The following IQSEC1 variants were observed in gnomAD, a reference collection of about 807,000 sequenced individuals.
IQSEC1 encodes IQ motif and SEC7 domain-containing protein 1.
In IQSEC1, 31 loss-of-function variants were observed where a neutral mutation model predicts 91.0. The observed-to-expected ratio is 0.34, with a 90% CI of 0.26 to 0.46. The LOEUF is 0.46. Among genes scored for constraint, IQSEC1 ranks in the 20% least tolerant of loss-of-function variants. IQSEC1 has a pLI of 1.00. For missense variants in IQSEC1, 1,388 were observed against 1,575.6 expected (o/e 0.88, Z 2.02); for synonymous variants, 699 against 662.6 (o/e 1.05, Z -0.84).
At chr3:12,993,590 T>C (rs2125637354) in intron 1 of IQSEC1, among the ~76,000 whole-genome samples, 1 of 152,298 alleles carries the variant, frequency 6.6e-6, no homozygotes, top group Non-Finnish European at 1.5e-5. Flanking sequence ...CCAACTGCAC[T>C]GATGAAGAGA....
intron 2 of IQSEC1, among the ~76,000 whole-genome samples, chr3:13,089,478 A>T (rs12492976): frequency 6.6e-6 from 1 of 151,918 alleles, no homozygotes; most frequent in African/African-American, 2.4e-5. Context: ...CCAGCTACTT[A>T]GGAGGCTGAG....
intron 1 of IQSEC1, among the ~76,000 whole-genome samples, chr3:13,266,973 A>C (rs970669246): frequency 6.6e-6 from 1 of 151,116 alleles, no homozygotes; most frequent in Non-Finnish European, 1.5e-5. Context: ...CACACATAAG[A>C]GGCTCCATAA....
intron 12 of IQSEC1, among the ~76,000 whole-genome samples, chr3:12,904,742 T>A (rs1431229872): frequency 6.6e-6 from 1 of 152,052 alleles, no homozygotes; most frequent in Non-Finnish European, 1.5e-5. Flanking sequence ...TCTGGCTGAC[T>A]AAAAACCAGG....
chr3:12,942,719 T>A (rs973375848), intron 1 of IQSEC1, among the ~76,000 whole-genome samples: 9 of 152,348 alleles, frequency 5.9e-5, no homozygotes, highest in Non-Finnish European at 1.0e-4. Flanking sequence ...TCCACATTTG[T>A]GTGTTGAAGC....
chr3:13,271,842 C>T (rs763448966), intron 1 of IQSEC1, among the ~76,000 whole-genome samples: 1 of 152,086 alleles, frequency 6.6e-6, no homozygotes, highest in Non-Finnish European at 1.5e-5. Context: ...ATAAGAATAA[C>T]AATTGGAGAC....
intron 1 of IQSEC1, among the ~76,000 whole-genome samples, chr3:13,212,420 T>C (rs1694462965): frequency 6.6e-6 from 1 of 152,228 alleles, no homozygotes; most frequent in Non-Finnish European, 1.5e-5. Context: ...TGTTCATTCA[T>C]CAACTGACGG....
At chr3:13,037,264 T>G (rs1428460888) in intron 1 of IQSEC1, among the ~76,000 whole-genome samples, 3 of 152,156 alleles carry the variant, frequency 2.0e-5, no homozygotes, top group African/African-American at 7.2e-5. Flanking sequence ...CCAGGAAAGT[T>G]GAAGACACTC....
At chr3:13,028,532 C>T (rs963641041) in intron 1 of IQSEC1, among the ~76,000 whole-genome samples, 5 of 152,178 alleles carry the variant, frequency 3.3e-5, no homozygotes, top group African/African-American at 4.8e-5. Flanking sequence ...TGACCCCAAC[C>T]GGGGTCAGGG....
intron 2 of IQSEC1, among the ~76,000 whole-genome samples, chr3:13,151,966 CA>C (rs1374454591): frequency 2.0e-5 from 3 of 151,844 alleles, no homozygotes; most frequent in African/African-American, 7.2e-5. Flanking sequence ...AACTCCATCT[CA>C]AAAAAACAAA....
chr3:12,903,445 T>C (rs1047446778), intron 12 of IQSEC1, among the ~76,000 whole-genome samples: 1 of 152,222 alleles, frequency 6.6e-6, no homozygotes, highest in Non-Finnish European at 1.5e-5. Flanking sequence ...GGTTGGGGAC[T>C]GCCGGAAACC....
intron 2 of IQSEC1, among the ~76,000 whole-genome samples, chr3:13,094,690 T>C (rs115594370): frequency 0.029 from 4,415 of 152,258 alleles, 124 homozygotes; most frequent in Non-Finnish European, 0.04. Context: ...GGCCTGTTCC[T>C]GGCCATACTA....
Position 12,909,396 on chromosome 3 carries a change from C to T in IQSEC1, c.2455G>A (p.Gly819Arg), listed in dbSNP as rs139635176. ...TTTATTAACACTTTGATATCTGCTCCGGGGACAGACGAGGTGAGCCGGATG... is the reference window on the plus strand; with the variant it reads ...TTTATTAACACTTTGATATCTGCTCTGGGGACAGACGAGGTGAGCCGGATG... ...NGIRLTSSVP[G>R]ADIKVLINFN... is the part of the protein sequence containing the mutation. The change falls in exon 11 of 14, where the codon GGA becomes AGA. Residue 819 changes from glycine (G) to arginine (R), a missense_variant. Coordinates refer to ENST00000613206, the MANE Select transcript of IQSEC1 (RefSeq NM_001134382.3). The surrounding 1 kb of genome is among the most constrained non-coding windows in gnomAD (Gnocchi z 4.9). The T allele has an allele frequency of 8.7e-6, 14 of 1,614,012 alleles. No homozygotes were observed. The highest frequency in any genetic ancestry group is 5.3e-5 in the African/African-American group (4 of 74,928).
chr3:12,908,596 G>T lies in IQSEC1; in HGVS notation c.2579-71C>A. On this transcript the variant is annotated intron_variant, in intron 11 of 13. Transcript: ENST00000613206. The surrounding 1 kb of genome is among the most constrained non-coding windows in gnomAD (Gnocchi z 4.9). Reference sequence around the variant, plus strand: ...GAGTGGGCAGGAGACGGGGCCTTCTGCTTGGAGCTAGCACTGTCCTGAGCC... The same window carrying T: ...GAGTGGGCAGGAGACGGGGCCTTCTTCTTGGAGCTAGCACTGTCCTGAGCC... The T allele has an allele frequency of 1.3e-6, 2 of 1,526,702 alleles. No individual in the cohort carries two copies. Among genetic ancestry groups the T allele is most frequent in the Non-Finnish European group, 1.8e-6 (2 of 1,108,582 alleles). 94.6% of individuals were successfully genotyped at this position (1,526,702 alleles called of 1,614,324 possible).
intron 2 of IQSEC1, among the ~76,000 whole-genome samples, chr3:13,142,755 C>T (rs1706822715): frequency 6.6e-6 from 1 of 152,238 alleles, no homozygotes; most frequent in South Asian, 2.1e-4. Context: ...CACATCCAGG[C>T]CCATTCATTT....
chr3:13,055,098 C>T (rs780871664), intron 1 of IQSEC1, among the ~76,000 whole-genome samples: 5 of 152,228 alleles, frequency 3.3e-5, no homozygotes, highest in East Asian at 3.8e-4. Context: ...GCCCTGCCTG[C>T]GGGCTTGGGG....
upstream of IQSEC1, among the ~76,000 whole-genome samples, chr3:13,074,878 G>T (rs1213240485): frequency 6.6e-6 from 1 of 152,230 alleles, no homozygotes; most frequent in African/African-American, 2.4e-5. Context: ...TGAACCTCAG[G>T]GGGTGAGCGA....
chr3:12,993,320 C>G (rs757086294), intron 1 of IQSEC1, among the ~76,000 whole-genome samples: 20 of 152,212 alleles, frequency 1.3e-4, no homozygotes, highest in Non-Finnish European at 2.2e-4. Flanking sequence ...AGCCCTCCAG[C>G]CCTGCCAAAG....
At chr3:12,996,673 T>A (rs1317239586) in intron 1 of IQSEC1, among the ~76,000 whole-genome samples, 1 of 152,186 alleles carries the variant, frequency 6.6e-6, no homozygotes, top group South Asian at 2.1e-4. Context: ...GAAAATGCAA[T>A]GAAAGTTAAT....
At chr3:13,018,346 C>A (rs1436510349) in intron 1 of IQSEC1, among the ~76,000 whole-genome samples, 3 of 152,116 alleles carry the variant, frequency 2.0e-5, no homozygotes, top group Non-Finnish European at 2.9e-5. Flanking sequence ...GGTGGGAAGG[C>A]AGAGGGGGGC....
Sources: gnomAD v4.1 joint callset for allele counts (sites outside exome capture counted in the v4.1 genomes callset) on GRCh38, gnomAD v4.1.1 for gene constraint, Gnocchi (gnomAD v3.1) non-coding constraint, MANE v1.5 for transcripts, NCBI Gene and HGNC (gene_info 2026-07-23, HGNC 2026-07-21) for gene names.